LDLRAD2: variants seen among roughly 807,000 people sequenced by gnomAD.
LDLRAD2 encodes low density lipoprotein receptor class A domain containing 2.
A neutral mutation model predicts 24.9 loss-of-function variants in LDLRAD2; 25 were observed. The observed-to-expected ratio is 1.00, with a 90% confidence interval of 0.73 to 1.40. The LOEUF (loss-of-function observed/expected upper bound fraction) is 1.40, where lower values mean the gene tolerates loss of function less well. LDLRAD2 is among the 40% of genes most tolerant of loss of function. LDLRAD2 has a pLI of 0.00. For missense variants in LDLRAD2, 391 were observed against 366.2 expected (o/e 1.07, Z -0.55); for synonymous variants, 182 against 166.7 (o/e 1.09, Z -0.71).
chr1:21,824,743 T>A lies in LDLRAD2; in HGVS notation c.*2528T>A. On this transcript the variant is annotated 3_prime_UTR_variant, in exon 5 of 5. Coordinates refer to ENST00000344642, the MANE Select transcript of LDLRAD2 (RefSeq NM_001013693.3). The surrounding 1 kb of genome is among the most constrained non-coding windows in gnomAD (Gnocchi z 5.9). The stretch of plus-strand genomic sequence containing the variant: ...ATGGCCAGGGAAGGCGAGGAAGCCA[T>A]CATCGTGGAAATAGGCTCCGTACTG... 4 of 1,613,600 alleles carry A rather than the reference T, an allele frequency of 2.5e-6. No individual in the cohort carries two copies. Among genetic ancestry groups the A allele is most frequent in the Non-Finnish European group, 3.4e-6 (4 of 1,179,860 alleles).
Position 21,821,544 on chromosome 1 carries a change from C to T in LDLRAD2, c.738C>T (p.Leu246=), listed in dbSNP as rs750230189. The part of the protein sequence containing the change: ...PSPALGSAGS[L]WIAAERSSPA... Reference sequence around the variant, plus strand: ...CAGCTCTCGGGTCTGCAGGATCCCTCTGGATTGCAGCTGAGAGGAGTTCCC... The same window carrying T: ...CAGCTCTCGGGTCTGCAGGATCCCTTTGGATTGCAGCTGAGAGGAGTTCCC... The change falls in exon 4 of 5, where the codon CTC becomes CTT. Residue 246 remains leucine, a synonymous_variant. Coordinates refer to ENST00000344642, the MANE Select transcript of LDLRAD2 (RefSeq NM_001013693.3). 1.9e-6 allele frequency: 3 copies of T among 1,614,146 alleles called. No individual in the cohort carries two copies. Among genetic ancestry groups the T allele is most frequent in the African/African-American group, 2.7e-5 (2 of 75,060 alleles).
In LDLRAD2 at chr1:21,824,578, G is replaced by T. The variant is rs747755797; in HGVS notation, c.*2363G>T. On this transcript the variant is annotated 3_prime_UTR_variant, in exon 5 of 5. Coordinates refer to ENST00000344642, the MANE Select transcript of LDLRAD2 (RefSeq NM_001013693.3). The surrounding 1 kb of genome is among the most constrained non-coding windows in gnomAD (Gnocchi z 5.9). ...AGGAGGCCACTGGCTGTGCTGGTCC[G>T]AACCTCCAGCTCGATGGTCTCGGGC... is the stretch of plus-strand genomic sequence containing the variant. The T allele has an allele frequency of 4.3e-6, 7 of 1,613,954 alleles. No individual in the cohort carries two copies. The highest frequency in any genetic ancestry group is 4.2e-6 in the Non-Finnish European group (5 of 1,180,024).
intron 3 of LDLRAD2, among the ~76,000 whole-genome samples, chr1:21,818,859 T>A (rs1252948050): frequency 2.0e-5 from 3 of 147,246 alleles, no homozygotes; most frequent in African/African-American, 7.5e-5. Flanking sequence ...CGCCTCTTCC[T>A]TCCTGGCCCC....
chr1:21,815,377 G>A (rs547908717), intron 2 of LDLRAD2, among the ~76,000 whole-genome samples: 7 of 152,342 alleles, frequency 4.6e-5, no homozygotes, highest in Non-Finnish European at 5.9e-5. Flanking sequence ...TCTGCGCTGG[G>A]TCAGCCCTTC....
chr1:21,818,610 G>A (rs577849285), intron 3 of LDLRAD2, among the ~76,000 whole-genome samples: 2 of 152,246 alleles, frequency 1.3e-5, no homozygotes, highest in South Asian at 4.1e-4. Context: ...GCTGATGTCT[G>A]CCTCATTTCT....
intron 4 of LDLRAD2, 82 bp from the exon 5 acceptor site, chr1:21,822,120 T>TG: frequency 6.2e-7 from 1 of 1,612,522 alleles, no homozygotes. Flanking sequence ...CTCACAGGGT[T>TG]GGGGGCCTGG....
At chr1:21,816,160 T>C in intron 3 of LDLRAD2, 86 bp downstream of exon 3, 1 of 1,532,568 alleles carries the variant, frequency 6.5e-7, no homozygotes, top group East Asian at 2.3e-5. Context: ...AGGGCCCCGA[T>C]GGGGAGGCAG....
chr1:21,817,767 T>C lies in LDLRAD2; in HGVS notation c.643+1693T>C, dbSNP rs566674519. ...TGTTTTAATTAATGAAGTAATATTA[T>C]TAACTAAAGTCCACAGTTTGTTCAG... On this transcript the variant is annotated intron_variant, in intron 3 of 4. Transcript: ENST00000344642. Among the ~76,000 whole-genome samples, 259 of 152,346 alleles carry C rather than the reference T, an allele frequency of 1.7e-3. 3 individuals are homozygous for C. Among genetic ancestry groups the C allele is most frequent in the Non-Finnish European group, 4.7e-4 (32 of 68,042 alleles).
In LDLRAD2 at chr1:21,814,546, C is replaced by A; in HGVS notation, c.234C>A (p.Arg78=). The change falls in exon 2 of 5, where the codon CGC becomes CGA. Residue 78 remains arginine (R), a synonymous_variant. Coordinates refer to ENST00000344642, the MANE Select transcript of LDLRAD2 (RefSeq NM_001013693.3). The part of the protein sequence containing the change: ...VQAAAPGDRI[R]FQFRFFLVYS... Reference sequence around the variant, plus strand: ...CGGCAGCCCCCGGCGACCGGATCCGCTTCCAGTTCCGCTTCTTCCTGGTCT... The same window carrying A: ...CGGCAGCCCCCGGCGACCGGATCCGATTCCAGTTCCGCTTCTTCCTGGTCT... The A allele has an allele frequency of 6.2e-7, 1 of 1,612,488 alleles. No homozygotes were observed. Among genetic ancestry groups the A allele is most frequent in the Admixed American group, 1.7e-5 (1 of 60,010 alleles).
At chr1:21,818,241 A>G (rs2097946183) in intron 3 of LDLRAD2, among the ~76,000 whole-genome samples, 1 of 148,048 alleles carries the variant, frequency 6.8e-6, no homozygotes, top group East Asian at 2.1e-4. Context: ...CAAACTCCTG[A>G]CCTCAAGTGA....
intron 1 of LDLRAD2, among the ~76,000 whole-genome samples, chr1:21,813,072 G>A (rs542916808): frequency 3.9e-5 from 6 of 152,314 alleles, no homozygotes; most frequent in Non-Finnish European, 4.4e-5. Flanking sequence ...CGAGGCGGGC[G>A]GATCATGAGG....
chr1:21,812,625 C>CCAGCAGGATGAG, intron 1 of LDLRAD2, 89 bp downstream of exon 1: 1 of 1,101,824 alleles, frequency 9.1e-7, no homozygotes, highest in Non-Finnish European at 1.4e-6. Context: ...AGCACTCATC[C>CCAGCAGGATGAG]TGCTGGGCTG....
At position 21,823,272 on chromosome 1, in the gene LDLRAD2, G is replaced by A. The variant is rs926096387; in HGVS notation, c.*1057G>A. 5 of 1,438,966 alleles carry A rather than the reference G, an allele frequency of 3.5e-6. No homozygotes were observed. The highest frequency in any genetic ancestry group is 4.6e-6 in the Non-Finnish European group (5 of 1,088,758). 89.1% of individuals were successfully genotyped at this position (1,438,966 alleles called of 1,614,324 possible). A position where few individuals can be genotyped will look rare whatever the true frequency, so the allele number is the denominator to read the frequency against. On this transcript the variant is annotated 3_prime_UTR_variant, in exon 5 of 5. Coordinates refer to ENST00000344642, the MANE Select transcript of LDLRAD2 (RefSeq NM_001013693.3). The stretch of plus-strand genomic sequence containing the variant: ...TAATAATAATATACTCGACATTGTC[G>A]GGCTGGGGCGTGGCCCGGGAGTCCG...
In LDLRAD2 at chr1:21,821,880, C is replaced by T. The variant is rs562476946; in HGVS notation, c.805+269C>T. The stretch of plus-strand genomic sequence containing the variant: ...CTCCACTGCAGCACAGCCTGTACCA[C>T]GTGCTACCCATGTCCCAGCCAGGTC... On this transcript the variant is annotated intron_variant, in intron 4 of 4. Transcript: ENST00000344642. The T allele has an allele frequency of 1.3e-4, 187 of 1,418,422 alleles. 1 individual carries two copies. Among genetic ancestry groups the T allele is most frequent in the African/African-American group, 5.3e-4 (37 of 69,556 alleles). The allele number at this position is 1,418,422 out of a possible 1,614,324, so 87.9% of individuals were successfully genotyped here. A position where few individuals can be genotyped will look rare whatever the true frequency, so the allele number is the denominator to read the frequency against.
chr1:21,825,201 A>G lies in LDLRAD2; in HGVS notation c.*2986A>G. On this transcript the variant is annotated 3_prime_UTR_variant, in exon 5 of 5. Transcript: ENST00000344642. ...TTGATGTGTTAATAAAGAAGCACAT[A>G]TATAGCAAGTCAGGAAACTTAAAAC... The G allele has an allele frequency of 8.5e-6, 2 of 235,034 alleles. No homozygotes were observed. Among genetic ancestry groups the G allele is most frequent in the Non-Finnish European group, 1.7e-5 (2 of 117,436 alleles). 14.6% of individuals were successfully genotyped at this position (235,034 alleles called of 1,614,324 possible). A position where few individuals can be genotyped will look rare whatever the true frequency, so the allele number is the denominator to read the frequency against.
chr1:21,820,517 C>T (rs1298789146), intron 3 of LDLRAD2, among the ~76,000 whole-genome samples: 3 of 113,426 alleles, frequency 2.6e-5, no homozygotes, highest in Admixed American at 9.6e-5. Context: ...AGCGAGACTC[C>T]GTCTCAAAAA....
Position 21,814,397 on chromosome 1 carries a change from G to A in LDLRAD2, c.86-1G>A. The A allele has an allele frequency of 6.3e-7, 1 of 1,587,118 alleles. No homozygotes were observed. On this transcript the variant is annotated splice_acceptor_variant, in intron 1 of 4. Coordinates refer to ENST00000344642, the MANE Select transcript of LDLRAD2 (RefSeq NM_001013693.3). LOFTEE classifies it high-confidence loss of function. ...TCCAGTTTCCGTGCCTTCCGCTGCA[G>A]CCGACCTGGCGGAACTGTGCGGGCA...
rs371301160 is a variant in LDLRAD2, at chr1:21,824,330, A to G, written c.*2115A>G. 2.5e-6 allele frequency: 4 copies of G among 1,613,940 alleles called. No individual in the cohort carries two copies. Among genetic ancestry groups the G allele is most frequent in the Non-Finnish European group, 2.5e-6 (3 of 1,180,016 alleles). On this transcript the variant is annotated 3_prime_UTR_variant, in exon 5 of 5. Transcript: ENST00000344642. This position sits in a 1 kb window ranked among gnomAD's most constrained non-coding sequence, Gnocchi z 5.9. ...CCTGAAGACAAGGTGCCCGTCTTGA[A>G]GCCCGAGGCTGATGAAGTCCTTGCC... is the stretch of plus-strand genomic sequence containing the variant.
chr1:21,823,396 G>T lies in LDLRAD2; in HGVS notation c.*1181G>T. 1 of 1,564,236 alleles carries T rather than the reference G, an allele frequency of 6.4e-7. No individual in the cohort carries two copies. Among genetic ancestry groups the T allele is most frequent in the African/African-American group, 1.3e-5 (1 of 74,168 alleles). Reference sequence around the variant, plus strand: ...AGGGGCTGTGGGGGCGGGGCGCCGGGTCGGGCCGAGTGCAGCACCAGGTTC... The same window carrying T: ...AGGGGCTGTGGGGGCGGGGCGCCGGTTCGGGCCGAGTGCAGCACCAGGTTC... On this transcript the variant is annotated 3_prime_UTR_variant, in exon 5 of 5. Transcript: ENST00000344642.
Sources: allele counts gnomAD v4.1 joint callset (sites outside exome capture counted in the v4.1 genomes callset), GRCh38; gene constraint gnomAD v4.1.1; non-coding constraint Gnocchi (gnomAD v3.1); transcripts MANE v1.5; gene names NCBI Gene and HGNC (gene_info 2026-07-23, HGNC 2026-07-21).